XKR9: variants seen among roughly 807,000 people sequenced by gnomAD.
XKR9 encodes XK-related protein 9.
Under a neutral mutation model 32.0 loss-of-function variants are expected in XKR9, and 32 were observed. The ratio of observed to expected loss-of-function variants is 1.00; its 90% CI spans 0.76 to 1.34. XKR9 has a LOEUF of 1.34. Ranked by LOEUF, XKR9 falls within the 40% of genes most tolerant of loss-of-function variation. The probability of loss-of-function intolerance (pLI) is 0.00; values close to 1 mark genes in which losing one functional copy is unlikely to be tolerated. For synonymous variants in XKR9, 168 were observed against 143.4 expected (o/e 1.17, Z -1.22); for missense variants, 546 against 429.7 (o/e 1.27, Z -2.39).
rs1245707430 is a variant in XKR9 at position 70,678,563 on chromosome 8, CCCG to C, written c.-278-2217_-278-2215del. ...TAATTAGTTCAATTGAGCAGAACCT[CCCG>C]ATTAATCTCATCCTCCTAAACCCCA... is the stretch of plus-strand genomic sequence containing the variant. On this transcript the variant is annotated intron_variant, in intron 2 of 4. Transcript: ENST00000408926. Among the ~76,000 whole-genome samples, 175 of 152,276 alleles carry C rather than the reference CCCG, an allele frequency of 1.1e-3. 1 individual carries two copies. The highest frequency in any genetic ancestry group is 2.1e-3 in the Non-Finnish European group (145 of 68,022).
the XKR9 span, among the ~76,000 whole-genome samples, chr8:71,044,744 A>G: frequency 6.6e-6 from 1 of 152,228 alleles, no homozygotes; most frequent in East Asian, 1.9e-4. Context: ...GGGTAATACA[A>G]AGAAAAATTT....
At chr8:71,045,565 AC>A in the XKR9 span, among the ~76,000 whole-genome samples, 2 of 152,236 alleles carry the variant, frequency 1.3e-5, no homozygotes, top group Non-Finnish European at 2.9e-5. Flanking sequence ...ACGAGGTAGC[AC>A]TTTTGTGGCC....
At chr8:70,685,463 T>A (rs1199778458) in intron 3 of XKR9, among the ~76,000 whole-genome samples, 1 of 143,904 alleles carries the variant, frequency 6.9e-6, no homozygotes, top group African/African-American at 2.6e-5. Flanking sequence ...ACCTGCACAT[T>A]GCACACATGT....
chr8:70,989,608 T>G, the XKR9 span, among the ~76,000 whole-genome samples: 1 of 152,220 alleles, frequency 6.6e-6, no homozygotes, highest in Non-Finnish European at 1.5e-5. Flanking sequence ...CAGTAAAGAA[T>G]GCAGGCTCTG....
chr8:70,730,117 T>A (rs1177200993), intron 4 of XKR9, among the ~76,000 whole-genome samples: 2 of 152,160 alleles, frequency 1.3e-5, no homozygotes, highest in African/African-American at 2.4e-5. Flanking sequence ...CAAGACCCAA[T>A]GGAGATAGCA....
At chr8:70,700,684 C>T (rs113065097) in intron 3 of XKR9, among the ~76,000 whole-genome samples, 11,086 of 152,256 alleles carry the variant, frequency 0.073, 490 homozygotes, top group Non-Finnish European at 0.089. Context: ...TCTCCAGCTG[C>T]GTGCTGGGAG....
At chr8:70,907,402 A>T in the XKR9 span, among the ~76,000 whole-genome samples, 1 of 152,194 alleles carries the variant, frequency 6.6e-6, no homozygotes, top group African/African-American at 2.4e-5. Flanking sequence ...AAACTCAGTC[A>T]TGCTTTTATG....
chr8:70,906,113 A>G, the XKR9 span, among the ~76,000 whole-genome samples: 7 of 152,178 alleles, frequency 4.6e-5, no homozygotes, highest in Non-Finnish European at 1.0e-4. Context: ...CCGTTCTCAT[A>G]TCTCAAACTC....
chr8:70,720,845 C>G (rs954990675), intron 4 of XKR9, among the ~76,000 whole-genome samples: 1 of 152,148 alleles, frequency 6.6e-6, no homozygotes. Flanking sequence ...TCCCTCTTTT[C>G]TATTGTTTGG....
At chr8:70,961,982 TG>T in the XKR9 span, among the ~76,000 whole-genome samples, 3 of 152,198 alleles carry the variant, frequency 2.0e-5, no homozygotes, top group Non-Finnish European at 2.9e-5. Flanking sequence ...AAAATTATTT[TG>T]GGGTAAATAT....
At chr8:70,854,953 C>T in the XKR9 span, among the ~76,000 whole-genome samples, 1 of 152,048 alleles carries the variant, frequency 6.6e-6, no homozygotes, top group Non-Finnish European at 1.5e-5. Context: ...AGTCATGTAG[C>T]ATGATGCCTC....
intron 3 of XKR9, among the ~76,000 whole-genome samples, chr8:70,686,902 C>A (rs553516669): frequency 6.6e-6 from 1 of 151,896 alleles, no homozygotes; most frequent in Non-Finnish European, 1.5e-5. Context: ...GTATGATAAT[C>A]ACATAAGGGT....
chr8:70,835,370 C>T, the XKR9 span, among the ~76,000 whole-genome samples: 1 of 152,078 alleles, frequency 6.6e-6, no homozygotes, highest in Non-Finnish European at 1.5e-5. Context: ...GATCAATTGG[C>T]TAATTCTTTA....
At chr8:70,808,746 G>T in the XKR9 span, among the ~76,000 whole-genome samples, 1 of 152,238 alleles carries the variant, frequency 6.6e-6, no homozygotes, top group Admixed American at 6.5e-5. Context: ...GCGAGGCTGG[G>T]GAGGGGCGCC....
chr8:70,739,354 T>C (rs1806924362), downstream of XKR9, among the ~76,000 whole-genome samples: 1 of 152,226 alleles, frequency 6.6e-6, no homozygotes, highest in Admixed American at 6.5e-5. Flanking sequence ...TTTGAGCCTA[T>C]GTGTGTCTCT....
At chr8:70,740,911 C>T (rs1806961383), downstream of XKR9, among the ~76,000 whole-genome samples, 1 of 152,228 alleles carries the variant, frequency 6.6e-6, no homozygotes, top group South Asian at 2.1e-4. Flanking sequence ...TGCTCGGGGT[C>T]AGGGGTCAGG....
At chr8:70,927,680 T>G in the XKR9 span, among the ~76,000 whole-genome samples, 96 of 152,254 alleles carry the variant, frequency 6.3e-4, no homozygotes, top group African/African-American at 2.3e-3. Context: ...AGAACCCTCA[T>G]GACTTAATCA....
the XKR9 span, among the ~76,000 whole-genome samples, chr8:70,875,083 A>G: frequency 6.6e-6 from 1 of 152,112 alleles, no homozygotes; most frequent in Middle Eastern, 3.2e-3. Flanking sequence ...TGTTCATTAC[A>G]TTTCTTTTAT....
chr8:70,844,590 G>A, the XKR9 span, among the ~76,000 whole-genome samples: 1 of 152,188 alleles, frequency 6.6e-6, no homozygotes, highest in Non-Finnish European at 1.5e-5. Flanking sequence ...CCAGTGGGGG[G>A]CCTGGGGACA....
Sources: gnomAD v4.1 joint callset for allele counts (sites outside exome capture counted in the v4.1 genomes callset) on GRCh38, gnomAD v4.1.1 for gene constraint, MANE v1.5 for transcripts, NCBI Gene and HGNC (gene_info 2026-07-23, HGNC 2026-07-21) for gene names.